Variants in FLVCR2 observed in about 807,000 individuals in gnomAD.
FLVCR2 encodes the protein choline/ethanolamine transporter FLVCR2.
FLVCR2 carries 38 observed loss-of-function variants against 48.9 expected under a neutral mutation model. The ratio of observed to expected loss-of-function variants is 0.78; its 90% CI spans 0.60 to 1.02. The LOEUF is 1.02. Among genes scored for constraint, FLVCR2 ranks in the 50% least tolerant of loss-of-function variants. The pLI is 0.00. For missense variants in FLVCR2, 664 were observed against 663.3 expected, an observed-to-expected ratio of 1.00 and a Z score of -0.01; for synonymous variants, 255 against 257.0, an observed-to-expected ratio of 0.99 and a Z score of 0.07.
chr14:75,640,950 T>C lies in FLVCR2; in HGVS notation c.1236-5T>C. 1.2e-6 allele frequency: 2 copies of C among 1,609,618 alleles called. No homozygotes were observed. Among genetic ancestry groups the C allele is most frequent in the Non-Finnish European group, 1.7e-6 (2 of 1,175,900 alleles). ...ATCCCCTTGTTTCTCTGGTCTGGTC[T>C]TCAGCTTCTTTATGACTGGCTATCT... On this transcript the variant is annotated splice_region_variant and splice_polypyrimidine_tract_variant and intron_variant, in intron 6 of 9. Coordinates refer to ENST00000238667, the MANE Select transcript of FLVCR2 (RefSeq NM_017791.3).
intron 1 of FLVCR2, among the ~76,000 whole-genome samples, chr14:75,617,818 A>C (rs1168587070): frequency 6.6e-6 from 1 of 152,220 alleles, no homozygotes. Context: ...CAAATATAAA[A>C]TTACCTATGC....
chr14:75,594,296 C>A (rs1888963493), intron 1 of FLVCR2, among the ~76,000 whole-genome samples: 1 of 152,202 alleles, frequency 6.6e-6, no homozygotes, highest in Admixed American at 6.5e-5. Context: ...CTTTTTTCAT[C>A]TGAGCCCTCT....
rs1323788763 is a variant in FLVCR2 at position 75,578,701 on chromosome 14, G to C, written c.-272G>C. On this transcript the variant is annotated 5_prime_UTR_variant, in exon 1 of 10. Coordinates refer to ENST00000238667, the MANE Select transcript of FLVCR2 (RefSeq NM_017791.3). ...ACGCCTCGTGGGGAGACCCAAGGCA[G>C]GAGCGGTCCGGAGCCGGCTGCGGCG... 1 of 559,482 alleles carries C rather than the reference G, an allele frequency of 1.8e-6. No individual in the cohort carries two copies. Among genetic ancestry groups the C allele is most frequent in the Non-Finnish European group, 3.2e-6 (1 of 313,324 alleles). The allele number at this position is 559,482 out of a possible 1,614,324, so 34.7% of individuals were successfully genotyped here. A position where few individuals can be genotyped will look rare whatever the true frequency, so the allele number is the denominator to read the frequency against.
chr14:75,617,228 G>A (rs1889641785), intron 1 of FLVCR2, among the ~76,000 whole-genome samples: 1 of 152,136 alleles, frequency 6.6e-6, no homozygotes, highest in Admixed American at 6.5e-5. Flanking sequence ...CCAAATGCAT[G>A]AGCTAGAATC....
chr14:75,645,191 G>A lies in FLVCR2; in HGVS notation c.1510-1210G>A, dbSNP rs529660468. Reference sequence around the variant, plus strand: ...GTGTTAGCAAGATTGAGAATGGGAAGGTTGGATTCTACAGCTGTCTCCATT... The same window carrying A: ...GTGTTAGCAAGATTGAGAATGGGAAAGTTGGATTCTACAGCTGTCTCCATT... On this transcript the variant is annotated intron_variant, in intron 9 of 9. Transcript: ENST00000238667. 4.9e-4 allele frequency among the ~76,000 whole-genome samples: 74 copies of A among 152,192 alleles called. 2 individuals carry two copies. The South Asian group carries it at 0.015, about 31-fold the overall frequency.
intron 1 of FLVCR2, among the ~76,000 whole-genome samples, chr14:75,585,436 G>A (rs1321624363): frequency 6.6e-6 from 1 of 152,200 alleles, no homozygotes; most frequent in Non-Finnish European, 1.5e-5. Flanking sequence ...TCAGGTGTGA[G>A]TTGAAGAGGT....
intron 9 of FLVCR2, among the ~76,000 whole-genome samples, chr14:75,644,801 C>T (rs755412625): frequency 1.6e-4 from 24 of 152,196 alleles, no homozygotes; most frequent in East Asian, 9.7e-4. Context: ...ACTGGGCACA[C>T]GGCAGATCTG....
At chr14:75,644,718 A>G (rs1362848760) in intron 9 of FLVCR2, among the ~76,000 whole-genome samples, 2 of 152,214 alleles carry the variant, frequency 1.3e-5, no homozygotes, top group African/African-American at 4.8e-5. Context: ...TGGAGCCGTG[A>G]CATTACGCAC....
At chr14:75,594,648 G>A (rs1005956284) in intron 1 of FLVCR2, among the ~76,000 whole-genome samples, 8 of 152,146 alleles carry the variant, frequency 5.3e-5, no homozygotes, top group African/African-American at 1.7e-4. Flanking sequence ...AAGAATAAGA[G>A]AGGACAAACT....
At chr14:75,635,079 C>T (rs1468908805) in intron 5 of FLVCR2, 66 bp downstream of exon 5, 5 of 1,028,916 alleles carry the variant, frequency 4.9e-6, no homozygotes, top group Non-Finnish European at 7.6e-6. Context: ...TATTCATAAG[C>T]AGTGTGACTC....
In FLVCR2 at chr14:75,579,099, C is replaced by T; in HGVS notation, c.127C>T (p.Pro43Ser). The change falls in exon 1 of 10, where the codon CCC becomes TCC. Residue 43 changes from proline to serine, a missense_variant. Physicochemically the swap from Pro to Ser is moderately conservative, Grantham distance 74 (BLOSUM62 -1). Coordinates refer to ENST00000238667, the MANE Select transcript of FLVCR2 (RefSeq NM_017791.3). ...GGTCCATCCCAGCGTCTCCATCAAC[C>T]CCAGCGTCTCTGTCCACCCCAGCAG... is the stretch of plus-strand genomic sequence containing the variant. ...VSVHPSVSIN[P>S]SVSVHPSSSA... is the part of the protein sequence containing the mutation. 6.2e-7 allele frequency: 1 copy of T among 1,614,066 alleles called. No homozygotes were observed. Among genetic ancestry groups the T allele is most frequent in the South Asian group, 1.1e-5 (1 of 91,078 alleles).
chr14:75,619,091 G>T (rs1441480612), intron 1 of FLVCR2, among the ~76,000 whole-genome samples: 1 of 152,032 alleles, frequency 6.6e-6, no homozygotes. Context: ...AGGCATGTTG[G>T]TGGGCACCTG....
rs117014891 is a variant in FLVCR2 at position 75,622,017 on chromosome 14, C to T, written c.670-62C>T. 11,965 of 1,537,164 alleles carry T rather than the reference C, an allele frequency of 7.8e-3. 831 individuals are homozygous for T. The Admixed American group carries it at 0.14, about 19-fold the overall frequency. On this transcript the variant is annotated intron_variant, in intron 1 of 9. Coordinates refer to ENST00000238667, the MANE Select transcript of FLVCR2 (RefSeq NM_017791.3). ...AGATTTCTTATTAGGAATCTCTTTA[C>T]ATTTGTGTTGTCACCTCTTGGCCAT...
chr14:75,604,924 G>C (rs1332757612), intron 1 of FLVCR2, among the ~76,000 whole-genome samples: 3 of 152,186 alleles, frequency 2.0e-5, no homozygotes, highest in Non-Finnish European at 4.4e-5. Context: ...CCAGAGTGCG[G>C]TGATGAAGAC....
At chr14:75,632,542 T>A in intron 3 of FLVCR2, 1 of 683,908 alleles carries the variant, frequency 1.5e-6, no homozygotes, top group Middle Eastern at 2.6e-4. Context: ...CATACCCACC[T>A]TCCCTTGCAC....
At chr14:75,641,328 G>T (rs760831707) in intron 8 of FLVCR2, 35 bp downstream of exon 8, 3 of 1,506,968 alleles carry the variant, frequency 2.0e-6, no homozygotes, top group South Asian at 1.1e-5. Flanking sequence ...TGAGGCTCAG[G>T]TTGGCCATTT....
chr14:75,602,152 A>G (rs1411684707), intron 1 of FLVCR2, among the ~76,000 whole-genome samples: 1 of 152,194 alleles, frequency 6.6e-6, no homozygotes, highest in Non-Finnish European at 1.5e-5. Flanking sequence ...CAGCACCTGG[A>G]TGTGCTCACC....
intron 1 of FLVCR2, among the ~76,000 whole-genome samples, chr14:75,590,894 G>A (rs760688702): frequency 7.9e-5 from 12 of 152,194 alleles, no homozygotes; most frequent in Non-Finnish European, 1.8e-4. Context: ...AGCAATGTGA[G>A]AATGGAATAA....
At chr14:75,579,684 G>C (rs766417306) in intron 1 of FLVCR2, 43 bp downstream of exon 1, 6 of 1,599,256 alleles carry the variant, frequency 3.8e-6, no homozygotes, top group Non-Finnish European at 5.1e-6. Context: ...GCGTGTGTTA[G>C]ATTGCACCTA....
Sources: allele counts gnomAD v4.1 joint callset (sites outside exome capture counted in the v4.1 genomes callset), GRCh38; gene constraint gnomAD v4.1.1; transcripts MANE v1.5; gene names NCBI Gene and HGNC (gene_info 2026-07-23, HGNC 2026-07-21).